IGF2BP2: variants seen among roughly 807,000 people sequenced by gnomAD.
The protein encoded by IGF2BP2 is insulin-like growth factor 2 mRNA-binding protein 2.
IGF2BP2 carries 17 observed loss-of-function variants against 75.8 expected under a neutral mutation model. The observed-to-expected ratio is 0.22, with a 90% CI of 0.15 to 0.34. The LOEUF is 0.34. Among genes scored for constraint, IGF2BP2 ranks in the 10% least tolerant of loss-of-function variants. The pLI is 1.00. For missense variants in IGF2BP2, 516 were observed against 772.4 expected, an observed-to-expected ratio of 0.67 and a Z score of 3.93; for synonymous variants, 288 against 295.6, an observed-to-expected ratio of 0.97 and a Z score of 0.26.
chr3:185,698,184 G>A (rs945837012), intron 3 of IGF2BP2, 115 bp downstream of exon 3: 9 of 838,220 alleles, frequency 1.1e-5, no homozygotes, highest in Non-Finnish European at 1.8e-5. Context: ...AAAGAAAGAG[G>A]CAGGACCCAG....
intron 10 of IGF2BP2, among the ~76,000 whole-genome samples, chr3:185,671,382 C>T (rs1718477762): frequency 6.6e-6 from 1 of 151,918 alleles, no homozygotes; most frequent in Non-Finnish European, 1.5e-5. Context: ...CCCTTCTCTA[C>T]TAAAATTAGC....
intron 2 of IGF2BP2, among the ~76,000 whole-genome samples, chr3:185,731,691 T>G (rs545764246): frequency 6.6e-6 from 1 of 152,170 alleles, no homozygotes; most frequent in East Asian, 1.9e-4. Flanking sequence ...AAGATCAGTC[T>G]TGGCCAGGCG....
intron 2 of IGF2BP2, among the ~76,000 whole-genome samples, chr3:185,822,861 T>C (rs948622131): frequency 7.3e-5 from 10 of 137,600 alleles, no homozygotes; most frequent in Non-Finnish European, 1.4e-4. Context: ...GAGGTGGGGG[T>C]GGGAGGCAAT....
chr3:185,662,753 G>C (rs1162639891), intron 10 of IGF2BP2, among the ~76,000 whole-genome samples: 1 of 152,024 alleles, frequency 6.6e-6, no homozygotes, highest in East Asian at 2.0e-4. Context: ...ATGTTGGTCA[G>C]GCTGGTCTCA....
chr3:185,804,316 C>A lies in IGF2BP2; in HGVS notation c.239+18837G>T, dbSNP rs1426242142. 2.6e-5 allele frequency among the ~76,000 whole-genome samples: 4 copies of A among 151,136 alleles called. No individual in the cohort carries two copies. In the East Asian group the frequency reaches 7.8e-4, roughly 29 times the overall value. ...GTGTGGTGGTGCACGCCTGTAATCC[C>A]AGCTACTCGGGAGGCTGAGGCAGGA... On this transcript the variant is annotated intron_variant, in intron 2 of 15. Coordinates refer to ENST00000382199, the MANE Select transcript of IGF2BP2 (RefSeq NM_006548.6).
intron 2 of IGF2BP2, among the ~76,000 whole-genome samples, chr3:185,714,451 G>A (rs1725293252): frequency 6.6e-6 from 1 of 152,266 alleles, no homozygotes. Flanking sequence ...ACTCCTAGAA[G>A]TGAAATCCTA....
chr3:185,729,841 T>C (rs1012031179), intron 2 of IGF2BP2: 25 of 152,244 alleles, frequency 1.6e-4, no homozygotes, highest in African/African-American at 6.0e-4. Context: ...AATAATGTAT[T>C]GCATCAGATT....
At chr3:185,658,141 C>T (rs1715757716) in intron 11 of IGF2BP2, among the ~76,000 whole-genome samples, 200 bp downstream of exon 11, 1 of 152,176 alleles carries the variant, frequency 6.6e-6, no homozygotes, top group Non-Finnish European at 1.5e-5. Flanking sequence ...ACAGCAACGG[C>T]CTAGGCCTCT....
intron 2 of IGF2BP2, among the ~76,000 whole-genome samples, chr3:185,719,825 C>A (rs1441791891): frequency 6.6e-6 from 1 of 151,480 alleles, no homozygotes; most frequent in Admixed American, 6.6e-5. Flanking sequence ...CAGAGCGAGA[C>A]TCTGTCTCAA....
chr3:185,799,543 C>T (rs1158478098), intron 2 of IGF2BP2, among the ~76,000 whole-genome samples: 4 of 151,896 alleles, frequency 2.6e-5, no homozygotes, highest in Admixed American at 1.3e-4. Flanking sequence ...GGTCAGGAGA[C>T]CGAGACCATC....
chr3:185,651,702 C>T (rs1056427481), intron 13 of IGF2BP2, among the ~76,000 whole-genome samples: 2 of 152,146 alleles, frequency 1.3e-5, no homozygotes, highest in African/African-American at 4.8e-5. Context: ...GCAAAACACA[C>T]CTCACCAAAA....
At chr3:185,787,233 G>A (rs996909626) in intron 2 of IGF2BP2, among the ~76,000 whole-genome samples, 1 of 152,124 alleles carries the variant, frequency 6.6e-6, no homozygotes, top group Non-Finnish European at 1.5e-5. Context: ...CATAAACAAC[G>A]TGAATGTAGT....
chr3:185,735,096 C>T (rs1378028390), intron 2 of IGF2BP2, among the ~76,000 whole-genome samples: 1 of 151,638 alleles, frequency 6.6e-6, no homozygotes, highest in Non-Finnish European at 1.5e-5. Context: ...TGCATTTTAT[C>T]AGTGAATTAC....
intron 2 of IGF2BP2, among the ~76,000 whole-genome samples, chr3:185,727,959 A>T (rs1727585728): frequency 6.6e-6 from 1 of 152,148 alleles, no homozygotes; most frequent in Non-Finnish European, 1.5e-5. Flanking sequence ...TGCACTACCT[A>T]CATCTCAACA....
At chr3:185,760,633 C>T (rs1732237537) in intron 2 of IGF2BP2, among the ~76,000 whole-genome samples, 1 of 152,188 alleles carries the variant, frequency 6.6e-6, no homozygotes, top group South Asian at 2.1e-4. Flanking sequence ...ATTCTTACTC[C>T]ACTCTCACAC....
At chr3:185,706,391 C>T (rs746925130) in intron 2 of IGF2BP2, among the ~76,000 whole-genome samples, 6 of 152,090 alleles carry the variant, frequency 3.9e-5, no homozygotes, top group South Asian at 4.2e-4. Context: ...AACCGAGTAC[C>T]GAGTGAGACC....
At chr3:185,707,515 G>A (rs1387274062) in intron 2 of IGF2BP2, among the ~76,000 whole-genome samples, 1 of 151,566 alleles carries the variant, frequency 6.6e-6, no homozygotes, top group Non-Finnish European at 1.5e-5. Context: ...CACCAAGTTG[G>A]CCAGGATGTT....
chr3:185,647,152 A>G lies in IGF2BP2; in HGVS notation c.1594-14T>C. The G allele has an allele frequency of 6.3e-7, 1 of 1,595,956 alleles. No individual in the cohort carries two copies. The highest frequency in any genetic ancestry group is 8.6e-7 in the Non-Finnish European group (1 of 1,163,334). On this transcript the variant is annotated splice_polypyrimidine_tract_variant and intron_variant, in intron 14 of 15. Coordinates refer to ENST00000382199, the MANE Select transcript of IGF2BP2 (RefSeq NM_006548.6). This position sits in a 1 kb window ranked among gnomAD's most constrained non-coding sequence, Gnocchi z 4.9. ...CAGTTCGTTCACCTGTGAAGGGAGA[A>G]ACGGCAACGGGTTGGATAGGTTCCC...
At chr3:185,684,138 C>T (rs1034402610) in intron 7 of IGF2BP2, among the ~76,000 whole-genome samples, 1 of 152,164 alleles carries the variant, frequency 6.6e-6, no homozygotes, top group African/African-American at 2.4e-5. Context: ...CAGCTTTGTT[C>T]ACTGCTGAGT....
Sources: gnomAD v4.1 joint callset for allele counts (sites outside exome capture counted in the v4.1 genomes callset) on GRCh38, gnomAD v4.1.1 for gene constraint, Gnocchi (gnomAD v3.1) non-coding constraint, MANE v1.5 for transcripts, NCBI Gene and HGNC (gene_info 2026-07-23, HGNC 2026-07-21) for gene names.